LRRC4C: variants seen among roughly 807,000 people sequenced by gnomAD.
LRRC4C encodes the protein leucine-rich repeat-containing protein 4C.
A neutral mutation model predicts 33.6 loss-of-function variants in LRRC4C; 5 were observed. The ratio of observed to expected loss-of-function variants is 0.15; its 90% CI spans 0.08 to 0.31. The LOEUF (loss-of-function observed/expected upper bound fraction) is 0.31, where lower values mean the gene tolerates loss of function less well. Ranked by LOEUF, LRRC4C falls within the 10% of genes least tolerant of loss-of-function variation. The pLI, the probability that LRRC4C is intolerant of heterozygous loss-of-function variation, is 1.00. For synonymous variants in LRRC4C, 329 were observed against 302.0 expected (o/e 1.09, Z -0.93); for missense variants, 560 against 796.7 (o/e 0.70, Z 3.58).
intron 1 of LRRC4C, among the ~76,000 whole-genome samples, chr11:41,297,474 T>C (rs1046730774): frequency 6.6e-6 from 1 of 152,080 alleles, no homozygotes; most frequent in Non-Finnish European, 1.5e-5. Context: ...TTGCTAAGAA[T>C]AAAAGAAATA....
chr11:40,710,276 GT>G (rs1946397378), intron 2 of LRRC4C, among the ~76,000 whole-genome samples: 1 of 152,130 alleles, frequency 6.6e-6, no homozygotes. Flanking sequence ...GGACTCTCTG[GT>G]TTTTAGAATT....
intron 1 of LRRC4C, among the ~76,000 whole-genome samples, chr11:41,385,802 T>C (rs1030623079): frequency 2.9e-4 from 44 of 151,718 alleles, no homozygotes; most frequent in African/African-American, 9.2e-4. Flanking sequence ...ATAGTTACCC[T>C]GCAGGACAAC....
At chr11:40,552,165 A>T (rs888015075) in intron 3 of LRRC4C, among the ~76,000 whole-genome samples, 5 of 152,194 alleles carry the variant, frequency 3.3e-5, no homozygotes, top group African/African-American at 1.2e-4. Flanking sequence ...TCTTAAAATG[A>T]CTATCTGTCT....
intron 1 of LRRC4C, among the ~76,000 whole-genome samples, chr11:41,078,110 G>A (rs1310006897): frequency 6.6e-6 from 1 of 152,134 alleles, no homozygotes; most frequent in Non-Finnish European, 1.5e-5. Context: ...ACCTCAGCCT[G>A]GACTTTATTT....
intron 4 of LRRC4C, among the ~76,000 whole-genome samples, chr11:40,280,570 A>C (rs1201651197): frequency 1.3e-5 from 2 of 152,120 alleles, no homozygotes; most frequent in Non-Finnish European, 2.9e-5. Context: ...CAGCATAGCT[A>C]TAAAGAGACA....
chr11:40,441,965 A>G (rs1951415689), intron 3 of LRRC4C, among the ~76,000 whole-genome samples: 2 of 152,088 alleles, frequency 1.3e-5, no homozygotes, highest in Admixed American at 6.6e-5. Flanking sequence ...GATCGAGACC[A>G]TCTTGGCTAA....
intron 3 of LRRC4C, among the ~76,000 whole-genome samples, chr11:40,587,484 T>C (rs1958812189): frequency 7.1e-6 from 1 of 140,378 alleles, no homozygotes; most frequent in Non-Finnish European, 1.5e-5. Flanking sequence ...TCCTGCCTAA[T>C]TGCCCTGGCC....
chr11:40,231,356 C>T (rs1452475), intron 5 of LRRC4C, among the ~76,000 whole-genome samples: 116,194 of 152,074 alleles, frequency 0.76, 48,763 homozygotes, highest in East Asian at 0.96. Flanking sequence ...TGAATATCAC[C>T]GCACAACTAT....
At chr11:40,644,681 T>C (rs1942330986) in intron 3 of LRRC4C, among the ~76,000 whole-genome samples, 1 of 152,234 alleles carries the variant, frequency 6.6e-6, no homozygotes, top group Non-Finnish European at 1.5e-5. Flanking sequence ...ACTGTGTGAT[T>C]ACATTTAAAT....
At chr11:40,584,192 ATATATATATATATG>A (rs1958605062) in intron 3 of LRRC4C, among the ~76,000 whole-genome samples, 1 of 131,642 alleles carries the variant, frequency 7.6e-6, no homozygotes, top group Admixed American at 8.0e-5. Context: ...ATATATATAT[ATATATATATATATG>A]AACTCTTTGT....
At chr11:40,754,304 A>G (rs1158125024) in intron 2 of LRRC4C, among the ~76,000 whole-genome samples, 2 of 152,086 alleles carry the variant, frequency 1.3e-5, no homozygotes, top group Non-Finnish European at 2.9e-5. Flanking sequence ...ATACAACTCT[A>G]TTTGTGTTTA....
intron 3 of LRRC4C, among the ~76,000 whole-genome samples, chr11:40,437,632 G>A (rs2137921611): frequency 6.6e-6 from 1 of 152,092 alleles, no homozygotes; most frequent in Admixed American, 6.5e-5. Context: ...GACCTCTGGT[G>A]ATCCACACGC....
intron 5 of LRRC4C, among the ~76,000 whole-genome samples, chr11:40,218,596 A>G (rs1202510263): frequency 1.1e-5 from 1 of 89,920 alleles, no homozygotes. Context: ...GTATGTATGT[A>G]TGTATGTATG....
chr11:40,209,642 A>C (rs1429813938), intron 5 of LRRC4C, among the ~76,000 whole-genome samples: 1 of 152,180 alleles, frequency 6.6e-6, no homozygotes, highest in East Asian at 1.9e-4. Flanking sequence ...TCCTGGGTTC[A>C]AACGATTCTC....
chr11:41,230,700 G>C (rs1947747613), intron 1 of LRRC4C, among the ~76,000 whole-genome samples: 1 of 151,860 alleles, frequency 6.6e-6, no homozygotes, highest in Non-Finnish European at 1.5e-5. Flanking sequence ...GCATGGGCAA[G>C]GACTTCATGT....
At chr11:40,294,780 T>C (rs1052298443) in intron 4 of LRRC4C, among the ~76,000 whole-genome samples, 27 of 151,976 alleles carry the variant, frequency 1.8e-4, no homozygotes, top group African/African-American at 5.1e-4. Flanking sequence ...TGAGCCGAGA[T>C]TGGGCCATTG....
At chr11:40,433,217 G>T (rs1951005296) in intron 3 of LRRC4C, among the ~76,000 whole-genome samples, 1 of 152,000 alleles carries the variant, frequency 6.6e-6, no homozygotes, top group African/African-American at 2.4e-5. Context: ...TTAAAAGCTG[G>T]ATTGTGGATA....
chr11:41,381,944 A>AG (rs1953172868), intron 1 of LRRC4C, among the ~76,000 whole-genome samples: 3 of 151,192 alleles, frequency 2.0e-5, no homozygotes, highest in Non-Finnish European at 4.4e-5. Context: ...GCATATATAT[A>AG]ATCTATATAT....
At chr11:40,655,628 C>T (rs2136177936) in intron 2 of LRRC4C, among the ~76,000 whole-genome samples, 1 of 152,242 alleles carries the variant, frequency 6.6e-6, no homozygotes, top group South Asian at 2.1e-4. Context: ...CAGCTTTGCA[C>T]TTTGCTCACA....
Sources: allele counts gnomAD v4.1 joint callset (sites outside exome capture counted in the v4.1 genomes callset), GRCh38; gene constraint gnomAD v4.1.1; transcripts MANE v1.5; gene names NCBI Gene and HGNC (gene_info 2026-07-23, HGNC 2026-07-21).